Variants in LRTM1 observed in about 807,000 individuals in gnomAD.
LRTM1 encodes the protein leucine rich repeat transmembrane protein 1, also known as leucine-rich repeat and transmembrane domain-containing protein 1.
In LRTM1, 38 loss-of-function variants were observed where a neutral mutation model predicts 32.4. The ratio of observed to expected loss-of-function variants is 1.17; its 90% CI spans 0.91 to 1.54. The LOEUF is 1.54. Ranked by LOEUF, LRTM1 falls within the 40% of genes most tolerant of loss-of-function variation. The pLI, the probability that LRTM1 is intolerant of heterozygous loss-of-function variation, is 0.00. For missense variants in LRTM1, 466 were observed against 415.4 expected, an observed-to-expected ratio of 1.12 and a Z score of -1.06; for synonymous variants, 186 against 169.9, an observed-to-expected ratio of 1.09 and a Z score of -0.74.
intron 1 of LRTM1, among the ~76,000 whole-genome samples, chr3:54,959,005 G>T (rs1018335557): frequency 1.3e-5 from 2 of 152,140 alleles, no homozygotes; most frequent in Admixed American, 1.3e-4. Flanking sequence ...GGAGACTATG[G>T]TGGGATAATT....
chr3:54,927,865 C>G (rs765586284), intron 1 of LRTM1, 40 bp downstream of exon 1: 2 of 1,611,758 alleles, frequency 1.2e-6, no homozygotes, highest in South Asian at 2.2e-5. Context: ...ATCTTTCTCC[C>G]AGACAAGAAC....
In LRTM1 at chr3:54,918,691, A is replaced by T. The variant is rs766992149; in HGVS notation, c.806T>A (p.Leu269Ter). ...TGGCTTGGGTTTGAGCTCGCACTCC[A>T]AGAGTTCTCGCTCCCCCGCGTTGTG... is the stretch of plus-strand genomic sequence containing the variant. ...ENHNAGEREL[L>*]ECELKPKPRP... is the part of the protein sequence containing the mutation. The change falls in exon 3 of 3, where the codon TTG becomes TAG. Residue 269 changes from leucine to a stop codon, truncating the protein, a stop_gained. Coordinates refer to ENST00000273286, the MANE Select transcript of LRTM1 (RefSeq NM_020678.4). LOFTEE classifies it high-confidence loss of function. 6.2e-7 allele frequency: 1 copy of T among 1,614,134 alleles called. No individual in the cohort carries two copies. The highest frequency in any genetic ancestry group is 8.5e-7 in the Non-Finnish European group (1 of 1,180,024).
intron 1 of LRTM1, among the ~76,000 whole-genome samples, chr3:54,942,795 C>T (rs961179486): frequency 2.6e-5 from 4 of 151,980 alleles, no homozygotes; most frequent in Non-Finnish European, 4.4e-5. Context: ...GAGGCCGAGG[C>T]GGGTGGATCA....
At chr3:54,945,338 T>G (rs1701585768) in intron 1 of LRTM1, among the ~76,000 whole-genome samples, 1 of 152,212 alleles carries the variant, frequency 6.6e-6, no homozygotes, top group Admixed American at 6.5e-5. Flanking sequence ...TCTCCGAGCC[T>G]TACTCTGTAG....
chr3:54,918,997 T>G lies in LRTM1; in HGVS notation c.605-105A>C, dbSNP rs553933408. On this transcript the variant is annotated intron_variant, in intron 2 of 2. Coordinates refer to ENST00000273286, the MANE Select transcript of LRTM1 (RefSeq NM_020678.4). ...GGCAGATGGAATTTATGAAGTACCT[T>G]TTTTTTTTTTAAATCCTGGAGTCAA... The G allele has an allele frequency of 0.018, 4,071 of 227,650 alleles. 112 individuals are homozygous for G. In the African/African-American group the frequency reaches 0.23, roughly 13 times the overall value. 14.1% of individuals were successfully genotyped at this position (227,650 alleles called of 1,614,324 possible).
At chr3:54,923,560 C>G (rs182643434) in intron 2 of LRTM1, among the ~76,000 whole-genome samples, 216 of 152,270 alleles carry the variant, frequency 1.4e-3, no homozygotes, top group African/African-American at 5.0e-3. Context: ...CTTTATTTAT[C>G]ATCTTATTTA....
chr3:54,918,664 C>A lies in LRTM1; in HGVS notation c.833G>T (p.Arg278Met), dbSNP rs1559628756. The change falls in exon 3 of 3, where the codon AGG (arginine) becomes ATG (methionine). Residue 278 changes from arginine (R) to methionine (M), a missense_variant. Arg to Met is a moderately conservative substitution (Grantham distance 91). Coordinates refer to ENST00000273286, the MANE Select transcript of LRTM1 (RefSeq NM_020678.4). The stretch of plus-strand genomic sequence containing the variant: ...AATGGCATGACGCAGGTTGGCCGGC[C>A]TTGGCTTGGGTTTGAGCTCGCACTC... ...LLECELKPKPRPANLRHAIAT... is the reference protein window; with the variant it reads ...LLECELKPKPMPANLRHAIAT... 2 of 1,614,162 alleles carry A rather than the reference C, an allele frequency of 1.2e-6. No homozygotes were observed. Among genetic ancestry groups the A allele is most frequent in the Non-Finnish European group, 1.7e-6 (2 of 1,180,036 alleles).
chr3:54,965,567 A>G (rs369347050), intron 1 of LRTM1, among the ~76,000 whole-genome samples: 24 of 152,334 alleles, frequency 1.6e-4, no homozygotes, highest in African/African-American at 5.5e-4. Flanking sequence ...CTGGACGTGG[A>G]GGGAGCTTAG....
At chr3:54,960,044 A>G (rs1449067523) in intron 1 of LRTM1, among the ~76,000 whole-genome samples, 1 of 151,742 alleles carries the variant, frequency 6.6e-6, no homozygotes. Flanking sequence ...CTACTTTACC[A>G]AAGGTGACAG....
chr3:54,944,817 GT>G (rs1262783720), intron 1 of LRTM1, among the ~76,000 whole-genome samples: 2,056 of 98,900 alleles, frequency 0.021, 42 homozygotes, highest in African/African-American at 0.11. Flanking sequence ...AGCTGGGGGT[GT>G]GTGTGTGTGT....
At chr3:54,933,900 C>G (rs965938305) in intron 1 of LRTM1, among the ~76,000 whole-genome samples, 1 of 151,956 alleles carries the variant, frequency 6.6e-6, no homozygotes, top group Admixed American at 6.6e-5. Flanking sequence ...TCCGGAGTAG[C>G]TGGGATTACA....
intron 2 of LRTM1, among the ~76,000 whole-genome samples, chr3:54,921,566 G>A (rs1174531563): frequency 6.6e-6 from 1 of 152,070 alleles, no homozygotes; most frequent in Non-Finnish European, 1.5e-5. Flanking sequence ...CCCACTTTTT[G>A]TGGTCTATTT....
chr3:54,924,060 A>T (rs1700939002), intron 2 of LRTM1, among the ~76,000 whole-genome samples: 1 of 152,180 alleles, frequency 6.6e-6, no homozygotes, highest in South Asian at 2.1e-4. Flanking sequence ...ATAGTCTGAG[A>T]TCTCTTGCTT....
chr3:54,923,773 G>T (rs1185115620), intron 2 of LRTM1, among the ~76,000 whole-genome samples: 1 of 152,140 alleles, frequency 6.6e-6, no homozygotes, highest in Non-Finnish European at 1.5e-5. Context: ...CTGGGCTTCT[G>T]CTCTGTGATC....
At chr3:54,925,773 T>C (rs867526909) in intron 1 of LRTM1, among the ~76,000 whole-genome samples, 2 of 152,326 alleles carry the variant, frequency 1.3e-5, no homozygotes, top group Middle Eastern at 3.4e-3. Flanking sequence ...TTTTTATTTG[T>C]ATTTCATTTT....
At chr3:54,933,041 A>C (rs186369598), upstream of LRTM1, among the ~76,000 whole-genome samples, 2,898 of 147,108 alleles carry the variant, frequency 0.02, 131 homozygotes, top group African/African-American at 0.072. Context: ...TCTTCCATCC[A>C]TCCATCCCTC....
At chr3:54,950,254 G>A (rs1032725553) in intron 1 of LRTM1, among the ~76,000 whole-genome samples, 2 of 152,202 alleles carry the variant, frequency 1.3e-5, no homozygotes, top group Admixed American at 6.5e-5. Flanking sequence ...TTTCTTAAAT[G>A]CTGAATGTGG....
intron 1 of LRTM1, among the ~76,000 whole-genome samples, chr3:54,943,722 T>C (rs1420775113): frequency 1.3e-5 from 2 of 152,156 alleles, no homozygotes; most frequent in Non-Finnish European, 2.9e-5. Flanking sequence ...TTCTGCCTAT[T>C]TCATCTTGCT....
At position 54,918,278 on chromosome 3, in the gene LRTM1, C is replaced by A; in HGVS notation, c.*181G>T. On this transcript the variant is annotated 3_prime_UTR_variant, in exon 3 of 3. Coordinates refer to ENST00000273286, the MANE Select transcript of LRTM1 (RefSeq NM_020678.4). ...ATTTTACCTATAGTATTTTAAAAAT[C>A]GCAACATAAATTCCTCCCCAGAAAT... is the stretch of plus-strand genomic sequence containing the variant. The A allele has an allele frequency of 1.6e-6, 1 of 635,296 alleles. No individual in the cohort carries two copies. Among genetic ancestry groups the A allele is most frequent in the Non-Finnish European group, 2.7e-6 (1 of 376,858 alleles). The allele number at this position is 635,296 out of a possible 1,614,324, so 39.4% of individuals were successfully genotyped here.
Sources: allele counts gnomAD v4.1 joint callset (sites outside exome capture counted in the v4.1 genomes callset), GRCh38; gene constraint gnomAD v4.1.1; transcripts MANE v1.5; gene names NCBI Gene and HGNC (gene_info 2026-07-23, HGNC 2026-07-21).